Variants in MBD5 observed in about 807,000 individuals in gnomAD.
The protein encoded by MBD5 is methyl-CpG-binding domain protein 5.
MBD5 carries 13 observed loss-of-function variants against 117.3 expected under a neutral mutation model. The observed-to-expected ratio is 0.11, with a 90% CI of 0.07 to 0.18. The LOEUF (loss-of-function observed/expected upper bound fraction) is 0.18, where lower values mean the gene tolerates loss of function less well. MBD5 is among the 10% of genes least tolerant of loss of function. The pLI is 1.00. For missense variants in MBD5, 1,879 were observed against 2,093.8 expected, an observed-to-expected ratio of 0.90 and a Z score of 2.00; for synonymous variants, 727 against 766.4, an observed-to-expected ratio of 0.95 and a Z score of 0.85.
chr2:148,265,824 A>G (rs1465393944), intron 3 of MBD5, among the ~76,000 whole-genome samples: 1 of 152,150 alleles, frequency 6.6e-6, no homozygotes, highest in Admixed American at 6.6e-5. Context: ...TATGCTTAAC[A>G]CAGACCTCAT....
chr2:148,342,553 GA>G (rs1296347187), intron 4 of MBD5, among the ~76,000 whole-genome samples: 1 of 151,838 alleles, frequency 6.6e-6, no homozygotes, highest in East Asian at 1.9e-4. Flanking sequence ...ATGTAATACA[GA>G]AAAATATAGT....
Position 148,141,956 on chromosome 2 carries a change from A to G in MBD5, c.-924-36744A>G, listed in dbSNP as rs185646501. ...GTGCCACTGTACCCCAGCCTGGGCAACAGACCAAGGCACTGTCTCAATAAT... is the reference window on the plus strand; with the variant it reads ...GTGCCACTGTACCCCAGCCTGGGCAGCAGACCAAGGCACTGTCTCAATAAT... On this transcript the variant is annotated intron_variant, in intron 1 of 13. Coordinates refer to ENST00000642680, the MANE Select transcript of MBD5 (RefSeq NM_001378120.1). 2.4e-4 allele frequency among the ~76,000 whole-genome samples: 37 copies of G among 152,136 alleles called. 1 individual carries two copies. The South Asian group carries it at 6.0e-3, about 25-fold the overall frequency.
chr2:148,351,154 A>G (rs1303498793), intron 4 of MBD5, among the ~76,000 whole-genome samples: 2 of 152,038 alleles, frequency 1.3e-5, no homozygotes, highest in Non-Finnish European at 2.9e-5. Flanking sequence ...CATTTCAAAT[A>G]TACAATTTAA....
intron 3 of MBD5, among the ~76,000 whole-genome samples, chr2:148,250,833 A>G (rs1331876878): frequency 6.6e-6 from 1 of 152,200 alleles, no homozygotes; most frequent in East Asian, 1.9e-4. Context: ...GCCCAATGTC[A>G]CTCGGAGGAG....
chr2:148,463,658 C>G, intron 6 of MBD5, 81 bp from the exon 7 acceptor site: 1 of 1,541,598 alleles, frequency 6.5e-7, no homozygotes, highest in Admixed American at 1.7e-5. Context: ...AATCTATGCA[C>G]AACTTTTTTT....
At chr2:148,508,350 C>A (rs1682108077) in intron 12 of MBD5, among the ~76,000 whole-genome samples, 2 of 151,798 alleles carry the variant, frequency 1.3e-5, no homozygotes. Flanking sequence ...GTATTTAAAA[C>A]AGTTATAAGG....
chr2:148,505,308 G>C (rs1202883519), intron 12 of MBD5, among the ~76,000 whole-genome samples: 1 of 152,148 alleles, frequency 6.6e-6, no homozygotes, highest in Non-Finnish European at 1.5e-5. Flanking sequence ...ATACGTGTCT[G>C]AAACTGGGGA....
intron 11 of MBD5, among the ~76,000 whole-genome samples, chr2:148,492,832 T>A (rs1681571629): frequency 6.6e-6 from 1 of 152,064 alleles, no homozygotes; most frequent in Non-Finnish European, 1.5e-5. Flanking sequence ...GAAGAAAAAG[T>A]AAAACTATGT....
chr2:148,498,486 T>G (rs749149457), intron 11 of MBD5, among the ~76,000 whole-genome samples: 4 of 152,168 alleles, frequency 2.6e-5, no homozygotes, highest in Non-Finnish European at 4.4e-5. Flanking sequence ...TACAGATGCC[T>G]GCCACCATGC....
intron 7 of MBD5, among the ~76,000 whole-genome samples, chr2:148,464,632 A>G (rs1485127640): frequency 2.0e-5 from 3 of 151,880 alleles, no homozygotes; most frequent in South Asian, 2.1e-4. Context: ...GATTTCTCCA[A>G]TTGTCCTAAC....
chr2:148,498,983 G>GA (rs1301020439), intron 11 of MBD5, among the ~76,000 whole-genome samples: 1 of 152,102 alleles, frequency 6.6e-6, no homozygotes, highest in Non-Finnish European at 1.5e-5. Flanking sequence ...TTGAATGAAA[G>GA]AAGAGTTTTT....
intron 2 of MBD5, among the ~76,000 whole-genome samples, chr2:148,196,950 TATCTCAC>T (rs1699004107): frequency 6.6e-6 from 1 of 152,150 alleles, no homozygotes; most frequent in South Asian, 2.1e-4. Flanking sequence ...AAAATTAATA[TATCTCAC>T]TTGAACAAAA....
At chr2:148,173,460 T>C (rs1574094300) in intron 1 of MBD5, among the ~76,000 whole-genome samples, 1 of 152,208 alleles carries the variant, frequency 6.6e-6, no homozygotes, top group East Asian at 1.9e-4. Flanking sequence ...CTTGCCAGGC[T>C]CACCCTTGGC....
intron 8 of MBD5, among the ~76,000 whole-genome samples, chr2:148,480,184 G>A (rs1681106639): frequency 6.6e-6 from 1 of 152,022 alleles, no homozygotes. Context: ...AGAAGCTTGT[G>A]TTATTCACCA....
chr2:148,137,860 G>A (rs999319658), intron 1 of MBD5, among the ~76,000 whole-genome samples: 9 of 152,250 alleles, frequency 5.9e-5, no homozygotes, highest in African/African-American at 1.4e-4. Flanking sequence ...CATGCTTCAC[G>A]GGTTTGTAGC....
At chr2:148,095,584 C>T (rs1696049106) in intron 1 of MBD5, among the ~76,000 whole-genome samples, 2 of 151,934 alleles carry the variant, frequency 1.3e-5, no homozygotes, top group Admixed American at 1.3e-4. Flanking sequence ...AAGGTGGAAA[C>T]AATTAACAAT....
intron 1 of MBD5, among the ~76,000 whole-genome samples, chr2:148,103,760 A>G (rs1696294593): frequency 6.6e-6 from 1 of 152,186 alleles, no homozygotes. Context: ...ATTTTAGTCA[A>G]AAATGAATCT....
chr2:148,415,904 A>C (rs1014638384), intron 4 of MBD5, among the ~76,000 whole-genome samples: 1 of 152,076 alleles, frequency 6.6e-6, no homozygotes, highest in Non-Finnish European at 1.5e-5. Context: ...TTGCATTTCA[A>C]CTTCTCCTGA....
intron 4 of MBD5, among the ~76,000 whole-genome samples, chr2:148,451,214 G>A (rs1706717475): frequency 6.6e-6 from 1 of 152,094 alleles, no homozygotes; most frequent in Non-Finnish European, 1.5e-5. Context: ...GTGGAGCCTG[G>A]CAGAGTTATT....
Sources: gnomAD v4.1 joint callset for allele counts (sites outside exome capture counted in the v4.1 genomes callset) on GRCh38, gnomAD v4.1.1 for gene constraint, MANE v1.5 for transcripts, NCBI Gene and HGNC (gene_info 2026-07-23, HGNC 2026-07-21) for gene names.